The following COL22A1 variants were observed in gnomAD, a reference collection of about 807,000 sequenced individuals.
COL22A1 encodes collagen type XXII alpha 1 chain.
Under a neutral mutation model 248.9 loss-of-function variants are expected in COL22A1, and 221 were observed. That is an observed-to-expected ratio of 0.89 (90% confidence interval 0.80 to 0.99). The LOEUF is 0.99. Ranked by LOEUF, COL22A1 falls within the 50% of genes least tolerant of loss-of-function variation. The pLI, the probability that COL22A1 is intolerant of heterozygous loss-of-function variation, is 0.00. For missense variants in COL22A1, 2,240 were observed against 2,179.0 expected (o/e 1.03, Z -0.56); for synonymous variants, 891 against 793.4 (o/e 1.12, Z -2.07).
chr8:138,836,479 T>C (rs1476209114), intron 4 of COL22A1, among the ~76,000 whole-genome samples: 1 of 152,192 alleles, frequency 6.6e-6, no homozygotes, highest in Non-Finnish European at 1.5e-5. Flanking sequence ...GGAACATGCC[T>C]GAAACACAAC....
intron 56 of COL22A1, among the ~76,000 whole-genome samples, chr8:138,612,777 A>G (rs946579658): frequency 8.6e-5 from 13 of 152,014 alleles, no homozygotes; most frequent in Admixed American, 6.6e-4. Context: ...AAATAAAAAA[A>G]TAAAAAAATA....
chr8:138,815,413 C>G (rs1056474531), intron 7 of COL22A1, among the ~76,000 whole-genome samples: 1 of 152,162 alleles, frequency 6.6e-6, no homozygotes, highest in African/African-American at 2.4e-5. Flanking sequence ...TGTCGACAAT[C>G]TCTCGCTCTC....
chr8:138,609,694 T>G (rs957645972), intron 56 of COL22A1, among the ~76,000 whole-genome samples: 5 of 152,222 alleles, frequency 3.3e-5, no homozygotes, highest in African/African-American at 1.2e-4. Flanking sequence ...CTTCTTTCTC[T>G]AATCTTCCCT....
At chr8:138,687,459 AG>A (rs1193711581) in intron 37 of COL22A1, among the ~76,000 whole-genome samples, 2 of 152,238 alleles carry the variant, frequency 1.3e-5, no homozygotes, top group African/African-American at 2.4e-5. Flanking sequence ...ATTCTTTAAA[AG>A]GCACCAAGTA....
intron 41 of COL22A1, among the ~76,000 whole-genome samples, chr8:138,667,296 G>A (rs1444254101): frequency 6.6e-6 from 1 of 152,120 alleles, no homozygotes; most frequent in Non-Finnish European, 1.5e-5. Flanking sequence ...ATGACTTCTT[G>A]AAGAAATGAC....
intron 21 of COL22A1, among the ~76,000 whole-genome samples, chr8:138,752,043 C>T (rs528395209): frequency 3.3e-5 from 5 of 152,342 alleles, no homozygotes; most frequent in East Asian, 1.9e-4. Flanking sequence ...CCTGCCCCCT[C>T]GTCCTGCCTC....
intron 42 of COL22A1, 127 bp downstream of exon 42, chr8:138,663,578 A>C: frequency 1.3e-6 from 1 of 760,010 alleles, no homozygotes; most frequent in East Asian, 2.5e-5. Flanking sequence ...GACAGTCTGC[A>C]CTGTTCAATA....
rs751256581 is a variant in COL22A1 at position 138,630,750 on chromosome 8, TA to T, written c.3610-3del. The T allele has an allele frequency of 1.2e-6, 2 of 1,613,492 alleles. No homozygotes were observed. Among genetic ancestry groups the T allele is most frequent in the Non-Finnish European group, 1.7e-6 (2 of 1,179,622 alleles). ...AGCTCCTGCAATTCCATCTGCCCCC[TA>T]AAAAAGACAAGGCAGAAAGCTAGTT... On this transcript the variant is annotated splice_region_variant and splice_polypyrimidine_tract_variant and intron_variant, in intron 49 of 64. Coordinates refer to ENST00000303045, the MANE Select transcript of COL22A1 (RefSeq NM_152888.3).
chr8:138,855,665 C>T (rs1821955274), intron 3 of COL22A1, among the ~76,000 whole-genome samples: 2 of 152,194 alleles, frequency 1.3e-5, no homozygotes, highest in Non-Finnish European at 2.9e-5. Flanking sequence ...TCTGAGGAGG[C>T]CATGCCCTTG....
intron 21 of COL22A1, among the ~76,000 whole-genome samples, chr8:138,753,872 T>C (rs1832792781): frequency 6.6e-6 from 1 of 152,226 alleles, no homozygotes; most frequent in Non-Finnish European, 1.5e-5. Context: ...GAGCTAGCTA[T>C]CTTTAGCTTC....
rs745386070 is a variant in COL22A1, at chr8:138,685,183, C to G, written c.2967+25G>C. The G allele has an allele frequency of 6.7e-6, 10 of 1,493,182 alleles. No individual in the cohort carries two copies. The South Asian group carries it at 1.0e-4, about 16-fold the overall frequency. 92.5% of individuals were successfully genotyped at this position (1,493,182 alleles called of 1,614,324 possible). ...AATTTTCACCTGGTTTCTACAGGCA[C>G]TGGGACCCCCGACCTTCCACTTACC... is the stretch of plus-strand genomic sequence containing the variant. On this transcript the variant is annotated intron_variant, in intron 38 of 64. Coordinates refer to ENST00000303045, the MANE Select transcript of COL22A1 (RefSeq NM_152888.3).
At chr8:138,775,873 C>T (rs1814403842) in intron 16 of COL22A1, 93 bp downstream of exon 16, 4 of 1,192,130 alleles carry the variant, frequency 3.4e-6, no homozygotes, top group Non-Finnish European at 5.0e-6. Flanking sequence ...TGTGTACACA[C>T]ACACACGAGC....
intron 30 of COL22A1, among the ~76,000 whole-genome samples, chr8:138,713,723 C>T (rs1829218840): frequency 1.3e-5 from 2 of 151,888 alleles, no homozygotes; most frequent in Non-Finnish European, 2.9e-5. Flanking sequence ...CCCACCGCCC[C>T]GCCGTAGGGG....
intron 22 of COL22A1, among the ~76,000 whole-genome samples, chr8:138,738,796 T>C (rs1831325601): frequency 6.6e-6 from 1 of 152,200 alleles, no homozygotes; most frequent in African/African-American, 2.4e-5. Flanking sequence ...TCTGTGAGAT[T>C]GTAAAACTTG....
At chr8:138,763,318 C>T (rs4387007) in intron 16 of COL22A1, among the ~76,000 whole-genome samples, 78,886 of 151,620 alleles carry the variant, frequency 0.52, 23,218 homozygotes, top group East Asian at 0.8. Flanking sequence ...ACCCAGGAGA[C>T]AGTGGCTGCA....
intron 2 of COL22A1, among the ~76,000 whole-genome samples, chr8:138,879,269 A>C (rs996838381): frequency 6.6e-6 from 1 of 152,176 alleles, no homozygotes; most frequent in Non-Finnish European, 1.5e-5. Flanking sequence ...ACAGATGAAC[A>C]TAATTGATTT....
At chr8:138,705,689 A>T (rs1175945877) in intron 30 of COL22A1, among the ~76,000 whole-genome samples, 4 of 152,224 alleles carry the variant, frequency 2.6e-5, no homozygotes, top group South Asian at 4.1e-4. Context: ...GCCAAATTGT[A>T]AACACCACCC....
intron 50 of COL22A1, among the ~76,000 whole-genome samples, chr8:138,629,816 G>A (rs1820560607): frequency 6.9e-6 from 1 of 145,388 alleles, no homozygotes; most frequent in Admixed American, 6.9e-5. Flanking sequence ...CCAGGGTAGG[G>A]CTGGCCTGCT....
chr8:138,704,563 C>T (rs999283231), intron 30 of COL22A1, among the ~76,000 whole-genome samples: 4 of 152,336 alleles, frequency 2.6e-5, no homozygotes, highest in Admixed American at 2.0e-4. Context: ...AGCTGAGGGT[C>T]CTGACTGTTA....
Sources: gnomAD v4.1 joint callset for allele counts (sites outside exome capture counted in the v4.1 genomes callset) on GRCh38, gnomAD v4.1.1 for gene constraint, MANE v1.5 for transcripts, NCBI Gene and HGNC (gene_info 2026-07-23, HGNC 2026-07-21) for gene names.